Variants in CREB3L1 observed in about 807,000 individuals in gnomAD.
The protein encoded by CREB3L1 is cyclic AMP-responsive element-binding protein 3-like protein 1.
Under a neutral mutation model 54.5 loss-of-function variants are expected in CREB3L1, and 33 were observed. The ratio of observed to expected loss-of-function variants is 0.61; its 90% CI spans 0.46 to 0.81. The LOEUF (loss-of-function observed/expected upper bound fraction) is 0.81, where lower values mean the gene tolerates loss of function less well. Among genes scored for constraint, CREB3L1 ranks in the 30% least tolerant of loss-of-function variants. The probability of loss-of-function intolerance (pLI) is 0.00; values close to 1 mark genes in which losing one functional copy is unlikely to be tolerated. For synonymous variants in CREB3L1, 284 were observed against 286.4 expected (o/e 0.99, Z 0.08); for missense variants, 656 against 673.3 (o/e 0.97, Z 0.29).
intron 2 of CREB3L1, among the ~76,000 whole-genome samples, chr11:46,307,542 T>C (rs1939416871): frequency 6.6e-6 from 1 of 152,120 alleles, no homozygotes; most frequent in Non-Finnish European, 1.5e-5. Context: ...CTCAGAGAGG[T>C]TAAGCAACTA....
chr11:46,306,506 TAAAA>T (rs61418557), intron 2 of CREB3L1, among the ~76,000 whole-genome samples: 1 of 126,776 alleles, frequency 7.9e-6, no homozygotes, highest in Non-Finnish European at 1.7e-5. Context: ...CCTGTCTCAA[TAAAA>T]AAAAAAAAAA....
At chr11:46,289,637 C>G (rs1939104343) in intron 1 of CREB3L1, among the ~76,000 whole-genome samples, 2 of 152,080 alleles carry the variant, frequency 1.3e-5, no homozygotes, top group African/African-American at 4.8e-5. Flanking sequence ...AGATAAAGGA[C>G]AAAACACTGC....
At chr11:46,280,631 G>A (rs1459677450) in intron 1 of CREB3L1, among the ~76,000 whole-genome samples, 1 of 152,158 alleles carries the variant, frequency 6.6e-6, no homozygotes, top group Admixed American at 6.5e-5. Context: ...AACGTTCATC[G>A]TTGGCTTGAT....
chr11:46,313,906 G>A (rs190220913), intron 8 of CREB3L1, among the ~76,000 whole-genome samples: 1 of 152,200 alleles, frequency 6.6e-6, no homozygotes, highest in East Asian at 1.9e-4. Context: ...ATATCTCTGG[G>A]CCCCTGTTTC....
chr11:46,305,732 G>GTGTA (rs1480133780), intron 2 of CREB3L1, among the ~76,000 whole-genome samples: 78 of 118,462 alleles, frequency 6.6e-4, no homozygotes, highest in Non-Finnish European at 8.3e-4. Flanking sequence ...GTGTGTGTGT[G>GTGTA]TATATATATA....
intron 10 of CREB3L1, among the ~76,000 whole-genome samples, chr11:46,318,928 A>C (rs1286162496): frequency 1.3e-5 from 2 of 151,642 alleles, no homozygotes; most frequent in Non-Finnish European, 2.9e-5. Context: ...GGAGAGTGAA[A>C]GCTCCTCCCC....
intron 1 of CREB3L1, among the ~76,000 whole-genome samples, chr11:46,293,834 T>C (rs908355730): frequency 6.6e-6 from 1 of 152,208 alleles, no homozygotes; most frequent in Non-Finnish European, 1.5e-5. Context: ...ACCATGTCTG[T>C]GTGATCCTGT....
In CREB3L1 at chr11:46,295,638, G is replaced by A. The variant is rs1435752935; in HGVS notation, c.103-4297G>A. The stretch of plus-strand genomic sequence containing the variant: ...GCACTCCTCCGGTGCCCTCCACGCC[G>A]CCACCGGCTGCTGCTCGCAGCCTCC... On this transcript the variant is annotated intron_variant, in intron 1 of 11. Coordinates refer to ENST00000621158, the MANE Select transcript of CREB3L1 (RefSeq NM_052854.4). This position sits in a 1 kb window ranked among gnomAD's most constrained non-coding sequence, Gnocchi z 4.6. Among the ~76,000 whole-genome samples the A allele has an allele frequency of 6.6e-6, 1 of 152,202 alleles. No homozygotes were observed. Among genetic ancestry groups the A allele is most frequent in the African/African-American group, 2.4e-5 (1 of 41,458 alleles).
intron 2 of CREB3L1, among the ~76,000 whole-genome samples, chr11:46,305,692 G>GTGTGTGTGTATATA (rs1555222409): frequency 0.01 from 1,097 of 105,320 alleles, 13 homozygotes; most frequent in African/African-American, 0.015. Context: ...GTGTATATAT[G>GTGTGTGTGTATATA]TGTGTGTGTG....
intron 1 of CREB3L1, among the ~76,000 whole-genome samples, chr11:46,280,087 G>A (rs1938944432): frequency 6.6e-6 from 1 of 152,180 alleles, no homozygotes; most frequent in African/African-American, 2.4e-5. Context: ...AGGACTCTTG[G>A]GCTGGGAATC....
intron 3 of CREB3L1, among the ~76,000 whole-genome samples, chr11:46,308,831 C>G (rs1590348823): frequency 6.6e-6 from 1 of 152,334 alleles, no homozygotes. Context: ...GGGTCGGCGG[C>G]AAATATGCAG....
intron 3 of CREB3L1, among the ~76,000 whole-genome samples, 184 bp from the exon 4 acceptor site, chr11:46,309,805 G>A (rs1264516078): frequency 6.6e-6 from 1 of 152,214 alleles, no homozygotes; most frequent in East Asian, 1.9e-4. Context: ...TCTTAGGTGT[G>A]ACTTGGCTTC....
chr11:46,277,839 G>A lies in CREB3L1; in HGVS notation c.-273G>A, dbSNP rs987960723. On this transcript the variant is annotated 5_prime_UTR_variant, in exon 1 of 12. Coordinates refer to ENST00000621158, the MANE Select transcript of CREB3L1 (RefSeq NM_052854.4). Reference sequence around the variant, plus strand: ...CCCCATGGAAGCCAGCTGTGCCCCAGGAGGAGCAGGAGGAGGTGGAGTCGG... The same window carrying A: ...CCCCATGGAAGCCAGCTGTGCCCCAAGAGGAGCAGGAGGAGGTGGAGTCGG... 1 of 335,254 alleles carries A rather than the reference G, an allele frequency of 3.0e-6. No individual in the cohort carries two copies. The highest frequency in any genetic ancestry group is 2.1e-5 in the African/African-American group (1 of 46,778). 20.8% of individuals were successfully genotyped at this position (335,254 alleles called of 1,614,324 possible).
chr11:46,318,584 A>C (rs575044881), intron 10 of CREB3L1, among the ~76,000 whole-genome samples: 2 of 152,312 alleles, frequency 1.3e-5, no homozygotes, highest in African/African-American at 4.8e-5. Context: ...CACGGAGGAG[A>C]GAATAGCTAC....
At chr11:46,305,054 C>A (rs543241051) in intron 2 of CREB3L1, among the ~76,000 whole-genome samples, 11 of 152,176 alleles carry the variant, frequency 7.2e-5, no homozygotes, top group Non-Finnish European at 1.6e-4. Context: ...TCAGCCACTA[C>A]TGCCTCTCCC....
chr11:46,307,985 GC>G lies in CREB3L1; in HGVS notation c.504del (p.Ile169SerfsTer9). On this transcript the variant is annotated frameshift_variant, in exon 3 of 12. Transcript: ENST00000621158. LOFTEE classifies it high-confidence loss of function. Reference sequence around the variant, plus strand: ...TGGGCCTCAGCCCCTTGTCCAGGCTGCCCATCCCCCACCAGGTGAGCCTGGG... The same window carrying G: ...TGGGCCTCAGCCCCTTGTCCAGGCTGCCATCCCCCACCAGGTGAGCCTGGG... ...LLGLSPLSRL[P>X]IPHQAPGEMT... 1 of 1,549,378 alleles carries G rather than the reference GC, an allele frequency of 6.5e-7. No individual in the cohort carries two copies. The highest frequency in any genetic ancestry group is 8.7e-7 in the Non-Finnish European group (1 of 1,149,382).
intron 2 of CREB3L1, among the ~76,000 whole-genome samples, chr11:46,305,076 G>A (rs1373309147): frequency 6.6e-6 from 1 of 152,090 alleles, no homozygotes; most frequent in East Asian, 1.9e-4. Context: ...GACCACAGCA[G>A]GCCCCAAAGT....
chr11:46,287,202 G>A (rs1939067462), intron 1 of CREB3L1, among the ~76,000 whole-genome samples: 1 of 152,214 alleles, frequency 6.6e-6, no homozygotes, highest in African/African-American at 2.4e-5. Context: ...AAAACATAGG[G>A]TTCTTAAGAG....
rs200839792 is a variant in CREB3L1, at chr11:46,300,106, G to T, written c.274G>T (p.Gly92Cys). 6.2e-7 allele frequency: 1 copy of T among 1,613,828 alleles called. No individual in the cohort carries two copies. The highest frequency in any genetic ancestry group is 8.5e-7 in the Non-Finnish European group (1 of 1,179,806). ...GGCGGAGCACAGCTACTCCCTGAGC[G>T]GCGACTCAGCGCCCCAGAGCCCCCT... is the stretch of plus-strand genomic sequence containing the variant. ...IQAEHSYSLSGDSAPQSPLVP... is the reference protein window; with the variant it reads ...IQAEHSYSLSCDSAPQSPLVP... The change falls in exon 2 of 12, where the codon GGC becomes TGC. Residue 92 changes from glycine to cysteine, a missense_variant. Gly to Cys is a radical substitution (Grantham distance 159). Around this residue, in one of 3 missense-constraint regions of CREB3L1, gnomAD observed 339 missense variants for 331.5 expected, o/e 1.02. Coordinates refer to ENST00000621158, the MANE Select transcript of CREB3L1 (RefSeq NM_052854.4).
Sources: allele counts gnomAD v4.1 joint callset (sites outside exome capture counted in the v4.1 genomes callset), GRCh38; gene constraint gnomAD v4.1.1; regional missense constraint gnomAD v4.1.1; non-coding constraint Gnocchi (gnomAD v3.1); transcripts MANE v1.5; gene names NCBI Gene and HGNC (gene_info 2026-07-23, HGNC 2026-07-21).